Variants in NLRP8 observed in about 807,000 individuals in gnomAD.
The protein encoded by NLRP8 is NLR family pyrin domain containing 8.
A neutral mutation model predicts 88.7 loss-of-function variants in NLRP8; 86 were observed. That is an observed-to-expected ratio of 0.97 (90% CI 0.81 to 1.16). The LOEUF (loss-of-function observed/expected upper bound fraction) is 1.16, where lower values mean the gene tolerates loss of function less well. Ranked by LOEUF, NLRP8 falls within the 50% of genes most tolerant of loss-of-function variation. The probability of loss-of-function intolerance (pLI) is 0.00; values close to 1 mark genes in which losing one functional copy is unlikely to be tolerated. For missense variants in NLRP8, 1,342 were observed against 1,286.5 expected (o/e 1.04, Z -0.66); for synonymous variants, 504 against 494.6 (o/e 1.02, Z -0.25).
chr19:55,966,093 C>A lies in NLRP8; in HGVS notation c.2214-120C>A, dbSNP rs1477163039. 4 of 779,302 alleles carry A rather than the reference C, an allele frequency of 5.1e-6. No homozygotes were observed. In the African/African-American group the frequency reaches 5.2e-5, roughly 10 times the overall value. 48.3% of individuals were successfully genotyped at this position (779,302 alleles called of 1,614,324 possible). On this transcript the variant is annotated intron_variant, in intron 4 of 9. Transcript: ENST00000291971. ...TGCATCCTGAATTCAGTTGTAAACC[C>A]CCTGAGAGTGGGACTGCACCTGTCC...
At position 55,966,371 on chromosome 19, in the gene NLRP8, A is replaced by G; in HGVS notation, c.2372A>G (p.Gln791Arg). The G allele has an allele frequency of 1.2e-6, 2 of 1,613,850 alleles. No individual in the cohort carries two copies. Among genetic ancestry groups the G allele is most frequent in the Non-Finnish European group, 1.7e-6 (2 of 1,179,810 alleles). The change falls in exon 5 of 10, where the codon CAG becomes CGG. Residue 791 changes from glutamine (Q) to arginine (R), a missense_variant. Physicochemically the swap from Gln to Arg is conservative, Grantham distance 43. Coordinates refer to ENST00000291971, the MANE Select transcript of NLRP8 (RefSeq NM_176811.2). ...CTGAGATCCCCCCGGTGCCGTCTGC[A>G]GTGTCTCAGGTGAGATTTGAGAGGG...
At chr19:55,956,246 T>C (rs9797631) in intron 3 of NLRP8, 146 bp downstream of exon 3, 1 of 854,348 alleles carries the variant, frequency 1.2e-6, no homozygotes, top group Non-Finnish European at 1.7e-6. Context: ...CTTTGTTTTG[T>C]TTTGTTTTGT....
rs529501154 is a variant in NLRP8, at chr19:55,952,051, C to T, written c.368-487C>T. ...ACAGGCGTGAGCCACAGTGCCCAGC[C>T]TCGTATTGGTTTTTTAATTGTATTA... On this transcript the variant is annotated intron_variant, in intron 1 of 9. Coordinates refer to ENST00000291971, the MANE Select transcript of NLRP8 (RefSeq NM_176811.2). Among the ~76,000 whole-genome samples the T allele has an allele frequency of 2.6e-5, 4 of 152,184 alleles. No homozygotes were observed. The South Asian group carries it at 8.3e-4, about 32-fold the overall frequency.
intron 9 of NLRP8, among the ~76,000 whole-genome samples, chr19:55,986,381 TTCTC>T (rs751699184): frequency 4.9e-5 from 7 of 142,706 alleles, no homozygotes; most frequent in African/African-American, 1.8e-4. Context: ...CTCACACACA[TTCTC>T]TCACACACAT....
chr19:55,959,954 C>CCTGCTAAATCATGGAGGCTTGGGGGGTT (rs1979539276), intron 3 of NLRP8, among the ~76,000 whole-genome samples: 1 of 152,122 alleles, frequency 6.6e-6, no homozygotes, highest in Admixed American at 6.5e-5. Flanking sequence ...TATCTTGTCT[C>CCTGCTAAATCATGGAGGCTTGGGGGGTT]CTGCTAAATC....
intron 6 of NLRP8, among the ~76,000 whole-genome samples, chr19:55,971,539 A>ATAGT (rs528992162): frequency 4.7e-5 from 7 of 150,458 alleles, no homozygotes; most frequent in Non-Finnish European, 1.0e-4. Context: ...AGTTGCTTCT[A>ATAGT]TAGTTAATTC....
At chr19:55,969,564 C>T (rs1026053950) in intron 5 of NLRP8, among the ~76,000 whole-genome samples, 1 of 152,282 alleles carries the variant, frequency 6.6e-6, no homozygotes, top group Admixed American at 6.5e-5. Context: ...CTGCTATAAA[C>T]ATGCATGTGA....
intron 9 of NLRP8, among the ~76,000 whole-genome samples, chr19:55,982,140 GA>G (rs1159267555): frequency 6.6e-6 from 1 of 152,122 alleles, no homozygotes; most frequent in Non-Finnish European, 1.5e-5. Flanking sequence ...TTGACCTCGT[GA>G]TTTGCCTGCC....
At chr19:55,974,265 A>G (rs925271638) in intron 7 of NLRP8, among the ~76,000 whole-genome samples, 9 of 152,140 alleles carry the variant, frequency 5.9e-5, no homozygotes, top group Non-Finnish European at 1.0e-4. Flanking sequence ...ACACTCTCTT[A>G]TAGACTAAGA....
intron 1 of NLRP8, 120 bp from the exon 2 acceptor site, chr19:55,952,418 G>A (rs1197962107): frequency 1.4e-6 from 1 of 731,480 alleles, no homozygotes; most frequent in East Asian, 2.5e-5. Flanking sequence ...GGTGGTGAGA[G>A]GATGAGACTC....
chr19:55,959,599 A>G (rs1979525463), intron 3 of NLRP8, among the ~76,000 whole-genome samples: 1 of 152,070 alleles, frequency 6.6e-6, no homozygotes, highest in Admixed American at 6.6e-5. Context: ...ATCACTTCAT[A>G]TTTCTTGGGT....
Position 55,966,104 on chromosome 19 carries a change from G to A in NLRP8, c.2214-109G>A, listed in dbSNP as rs1979824716. On this transcript the variant is annotated intron_variant, in intron 4 of 9. Coordinates refer to ENST00000291971, the MANE Select transcript of NLRP8 (RefSeq NM_176811.2). ...TTCAGTTGTAAACCCCCTGAGAGTGGGACTGCACCTGTCCCACGTGCAGCT... is the reference window on the plus strand; with the variant it reads ...TTCAGTTGTAAACCCCCTGAGAGTGAGACTGCACCTGTCCCACGTGCAGCT... The A allele has an allele frequency of 4.5e-6, 4 of 898,456 alleles. No individual in the cohort carries two copies. The South Asian group carries it at 6.2e-5, about 14-fold the overall frequency. 55.7% of individuals were successfully genotyped at this position (898,456 alleles called of 1,614,324 possible).
chr19:55,976,379 A>G, intron 8 of NLRP8, 76 bp downstream of exon 8: 2 of 1,226,952 alleles, frequency 1.6e-6, no homozygotes, highest in Non-Finnish European at 2.2e-6. Flanking sequence ...AATATATAAC[A>G]GGAAAGGGCT....
chr19:55,969,078 C>T (rs1248249048), intron 5 of NLRP8, among the ~76,000 whole-genome samples: 1 of 152,236 alleles, frequency 6.6e-6, no homozygotes, highest in Non-Finnish European at 1.5e-5. Flanking sequence ...TTTACTGCCA[C>T]ACACCTACTC....
rs1174435114 is a variant in NLRP8, at chr19:55,988,522, CAA to C, written c.*611_*612del. ...TGAGTCACCTAAGACAGGATATAGACAAAGTCTTCATCGTCTTCTTGCTTCTT... is the reference window on the plus strand; with the variant it reads ...TGAGTCACCTAAGACAGGATATAGACAGTCTTCATCGTCTTCTTGCTTCTT... On this transcript the variant is annotated 3_prime_UTR_variant, in exon 10 of 10. Coordinates refer to ENST00000291971, the MANE Select transcript of NLRP8 (RefSeq NM_176811.2). 14 of 146,434 alleles carry C rather than the reference CAA, an allele frequency of 9.6e-5. No homozygotes were observed. Among genetic ancestry groups the C allele is most frequent in the Admixed American group, 5.5e-4 (8 of 14,476 alleles). 9.1% of individuals were successfully genotyped at this position (146,434 alleles called of 1,614,324 possible).
At chr19:55,965,115 A>G (rs1600305746) in intron 4 of NLRP8, among the ~76,000 whole-genome samples, 2 of 152,052 alleles carry the variant, frequency 1.3e-5, no homozygotes, top group Non-Finnish European at 2.9e-5. Flanking sequence ...GTGAGACCCC[A>G]TATCTACAAA....
intron 4 of NLRP8, among the ~76,000 whole-genome samples, chr19:55,964,624 C>T (rs866216918): frequency 6.6e-6 from 1 of 151,720 alleles, no homozygotes; most frequent in Non-Finnish European, 1.5e-5. Context: ...TGGTGGTGCA[C>T]ATCTGTAATC....
At chr19:55,977,011 T>C (rs1600315040) in intron 8 of NLRP8, among the ~76,000 whole-genome samples, 1 of 139,352 alleles carries the variant, frequency 7.2e-6, no homozygotes. Context: ...ACCTGGGAAG[T>C]GGAGCTTGCA....
chr19:55,949,738 T>C (rs1177624830), intron 1 of NLRP8, among the ~76,000 whole-genome samples: 1 of 152,124 alleles, frequency 6.6e-6, no homozygotes, highest in East Asian at 1.9e-4. Context: ...GTCAGTCTCA[T>C]TGGTAAGAAT....
Sources: allele counts gnomAD v4.1 joint callset (sites outside exome capture counted in the v4.1 genomes callset), GRCh38; gene constraint gnomAD v4.1.1; transcripts MANE v1.5; gene names NCBI Gene and HGNC (gene_info 2026-07-23, HGNC 2026-07-21).